The following KCNK10 variants were observed in gnomAD, a reference collection of about 807,000 sequenced individuals.
KCNK10 encodes potassium channel subfamily K member 10.
KCNK10 carries 25 observed loss-of-function variants against 47.7 expected under a neutral mutation model. That is an observed-to-expected ratio of 0.52 (90% CI 0.38 to 0.73). The LOEUF (loss-of-function observed/expected upper bound fraction) is 0.73. KCNK10 is among the 30% of genes least tolerant of loss of function. The probability of loss-of-function intolerance (pLI) is 0.00; values close to 1 mark genes in which losing one functional copy is unlikely to be tolerated. For synonymous variants in KCNK10, 303 were observed against 285.6 expected (o/e 1.06, Z -0.61); for missense variants, 563 against 714.5 (o/e 0.79, Z 2.42).
chr14:88,236,848 TA>T (rs766896146), intron 3 of KCNK10, among the ~76,000 whole-genome samples: 1 of 152,236 alleles, frequency 6.6e-6, no homozygotes, highest in Non-Finnish European at 1.5e-5. Flanking sequence ...CAACAAGTCA[TA>T]ATGCTTTCGC....
chr14:88,227,459 G>A lies in KCNK10; in HGVS notation c.597C>T (p.Leu199=). 1.2e-6 allele frequency: 2 copies of A among 1,613,658 alleles called. No homozygotes were observed. The stretch of plus-strand genomic sequence containing the variant: ...CAATTCCAGCCAATAAGAAACCAAA[G>A]AGTGGAATTCCAAAGATGGCATATA... ...CILYAIFGIP[L]FGFLLAGIGD... is the part of the protein sequence containing the mutation. The change falls in exon 4 of 7, where the codon CTC becomes CTT. Residue 199 remains leucine (L), a synonymous_variant. Transcript: ENST00000319231.
At chr14:88,275,693 C>CAAAAA (rs71126972) in intron 1 of KCNK10, among the ~76,000 whole-genome samples, 3 of 72,018 alleles carry the variant, frequency 4.2e-5, no homozygotes, top group African/African-American at 1.6e-4. Context: ...GCTAAAAATA[C>CAAAAA]AAAAAAAAAA....
rs1406139366 is a variant in KCNK10, at chr14:88,188,002, A to T, written c.976T>A (p.Trp326Arg). 1 of 1,614,160 alleles carries T rather than the reference A, an allele frequency of 6.2e-7. No individual in the cohort carries two copies. The highest frequency in any genetic ancestry group is 2.2e-5 in the East Asian group (1 of 44,878). ...GTCTTTTTGGACAGAACCCGTAGCCAATCTCCGATCATACTGAGGACAGCT... is the reference window on the plus strand; with the variant it reads ...GTCTTTTTGGACAGAACCCGTAGCCTATCTCCGATCATACTGAGGACAGCT... The part of the protein sequence containing the change: ...FAAVLSMIGD[W>R]LRVLSKKTKE... The change falls in exon 6 of 7, where the codon TGG becomes AGG. Residue 326 changes from tryptophan (W) to arginine (R), a missense_variant. Physicochemically the swap from Trp to Arg is moderately radical, Grantham distance 101. Coordinates refer to ENST00000319231, the MANE Select transcript of KCNK10 (RefSeq NM_138317.3).
At chr14:88,189,551 A>G (rs1300954193) in intron 5 of KCNK10, among the ~76,000 whole-genome samples, 3 of 152,188 alleles carry the variant, frequency 2.0e-5, no homozygotes, top group African/African-American at 7.2e-5. Flanking sequence ...ACAAGGAACA[A>G]TGAAGCAGGC....
rs1355387023 is a variant in KCNK10 at position 88,240,777 on chromosome 14, T to G, written c.446A>C (p.Asn149Thr). The G allele has an allele frequency of 1.2e-6, 2 of 1,613,538 alleles. No homozygotes were observed. Among genetic ancestry groups the G allele is most frequent in the Non-Finnish European group, 1.7e-6 (2 of 1,179,710 alleles). ...ADNAGVSPIGNSSNNSSHWDL... is the reference protein window; with the variant it reads ...ADNAGVSPIGTSSNNSSHWDL... ...CCAGTGGCTGCTGTTGTTGGAAGAG[T>G]TTCCTATTGGACTGACTCCCGCATT... The change falls in exon 3 of 7, where the codon AAC becomes ACC. Residue 149 changes from asparagine to threonine, a missense_variant. Asn to Thr is a moderately conservative substitution (Grantham distance 65). Transcript: ENST00000319231.
intron 4 of KCNK10, among the ~76,000 whole-genome samples, chr14:88,198,141 T>C (rs115557731): frequency 6.6e-6 from 1 of 152,206 alleles, no homozygotes; most frequent in Non-Finnish European, 1.5e-5. Context: ...CCAACTGTAA[T>C]GGACGACCTT....
Position 88,296,237 on chromosome 14 carries a change from T to C in KCNK10, c.52+26510A>G, listed in dbSNP as rs767047621. ...TGGCACACTGGAAGTGGAGCAGACC[T>C]TGATGCCCCATGGAGCAAAGCCTGA... On this transcript the variant is annotated intron_variant, in intron 1 of 6. Transcript: ENST00000319231. Among the ~76,000 whole-genome samples, 2 of 152,216 alleles carry C rather than the reference T, an allele frequency of 1.3e-5. 1 individual carries two copies. The highest frequency in any genetic ancestry group is 4.8e-5 in the African/African-American group (2 of 41,460).
At position 88,322,248 on chromosome 14, in the gene KCNK10, G is replaced by C. The variant is rs1888561725; in HGVS notation, c.52+499C>G. On this transcript the variant is annotated intron_variant, in intron 1 of 6. Transcript: ENST00000319231. This position sits in a 1 kb window ranked among gnomAD's most constrained non-coding sequence, Gnocchi z 4.8. ...GGCTCCATTATTCTGCATGCCCTGC[G>C]AGAACGGCCCACCCCTAGGGACGGC... Among the ~76,000 whole-genome samples the C allele has an allele frequency of 6.6e-6, 1 of 152,110 alleles. No homozygotes were observed. The highest frequency in any genetic ancestry group is 1.5e-5 in the Non-Finnish European group (1 of 68,038).
chr14:88,225,593 C>G (rs1019770540), intron 4 of KCNK10, among the ~76,000 whole-genome samples: 2 of 152,204 alleles, frequency 1.3e-5, no homozygotes, highest in African/African-American at 4.8e-5. Flanking sequence ...AATATAGTAA[C>G]TAGAATTTTT....
At chr14:88,222,471 G>A (rs557511782) in intron 4 of KCNK10, among the ~76,000 whole-genome samples, 20 of 152,276 alleles carry the variant, frequency 1.3e-4, no homozygotes, top group Middle Eastern at 3.4e-3. Context: ...AATGGTAGAC[G>A]CATGTCATTA....
chr14:88,192,048 T>C (rs1461021534), intron 5 of KCNK10, among the ~76,000 whole-genome samples, 176 bp downstream of exon 5: 1 of 152,202 alleles, frequency 6.6e-6, no homozygotes, highest in Non-Finnish European at 1.5e-5. Flanking sequence ...AAAAAACCTA[T>C]GGTATTTATA....
At chr14:88,225,369 T>C (rs11629360) in intron 4 of KCNK10, among the ~76,000 whole-genome samples, 44,270 of 152,064 alleles carry the variant, frequency 0.29, 7,099 homozygotes, top group East Asian at 0.47. Flanking sequence ...TCTTTGATGG[T>C]GCTGCAAGGA....
intron 1 of KCNK10, among the ~76,000 whole-genome samples, chr14:88,272,482 G>T (rs1025322837): frequency 4.6e-5 from 7 of 151,878 alleles, no homozygotes; most frequent in Admixed American, 3.3e-4. Context: ...GAACAGCAAT[G>T]GGGGGGCAAC....
chr14:88,252,323 T>C (rs1226143656), intron 2 of KCNK10, among the ~76,000 whole-genome samples: 1 of 152,156 alleles, frequency 6.6e-6, no homozygotes, highest in Non-Finnish European at 1.5e-5. Flanking sequence ...GCAGGGACCA[T>C]GTCTGTCTTT....
intron 4 of KCNK10, among the ~76,000 whole-genome samples, chr14:88,199,273 G>A (rs1381352101): frequency 2.0e-5 from 3 of 152,146 alleles, no homozygotes; most frequent in Admixed American, 6.5e-5. Context: ...TATGAAGGGG[G>A]AAAGAGGTGA....
chr14:88,216,267 A>G (rs1885616483), intron 4 of KCNK10, among the ~76,000 whole-genome samples: 1 of 152,158 alleles, frequency 6.6e-6, no homozygotes, highest in Non-Finnish European at 1.5e-5. Context: ...GAGGCACCAG[A>G]GCTCGTGTGG....
At chr14:88,214,180 C>T (rs571413351) in intron 4 of KCNK10, among the ~76,000 whole-genome samples, 1 of 152,068 alleles carries the variant, frequency 6.6e-6, no homozygotes, top group South Asian at 2.1e-4. Context: ...CTCAGGTGAT[C>T]CGCCCACCTC....
chr14:88,274,614 G>A (rs1441252865), intron 1 of KCNK10, among the ~76,000 whole-genome samples: 1 of 147,748 alleles, frequency 6.8e-6, no homozygotes, highest in Non-Finnish European at 1.5e-5. Flanking sequence ...TAATTCCCTA[G>A]CTTTAAGAAA....
chr14:88,241,807 A>C (rs919984015), intron 2 of KCNK10, among the ~76,000 whole-genome samples: 1 of 152,150 alleles, frequency 6.6e-6, no homozygotes, highest in Non-Finnish European at 1.5e-5. Context: ...CCCCGAGTTC[A>C]TACTTCGGCA....
Sources: allele counts gnomAD v4.1 joint callset (sites outside exome capture counted in the v4.1 genomes callset), GRCh38; gene constraint gnomAD v4.1.1; non-coding constraint Gnocchi (gnomAD v3.1); transcripts MANE v1.5; gene names NCBI Gene and HGNC (gene_info 2026-07-23, HGNC 2026-07-21).